CTNNA2: variants seen among roughly 807,000 people sequenced by gnomAD.
CTNNA2 encodes catenin alpha-2.
In CTNNA2, 42 loss-of-function variants were observed where a neutral mutation model predicts 101.0. That is an observed-to-expected ratio of 0.42 (90% CI 0.32 to 0.54). The LOEUF is 0.54. Among genes scored for constraint, CTNNA2 ranks in the 20% least tolerant of loss-of-function variants. CTNNA2 has a pLI of 0.14. For missense variants in CTNNA2, 871 were observed against 1,223.1 expected, an observed-to-expected ratio of 0.71 and a Z score of 4.29; for synonymous variants, 450 against 456.4, an observed-to-expected ratio of 0.99 and a Z score of 0.18.
intron 2 of CTNNA2, among the ~76,000 whole-genome samples, chr2:79,296,331 C>A (rs1481931187): frequency 6.6e-6 from 1 of 152,104 alleles, no homozygotes; most frequent in Non-Finnish European, 1.5e-5. Context: ...GCACTTTTAA[C>A]TTTGCAAACT....
chr2:79,650,291 T>A (rs1681136982), intron 1 of CTNNA2, among the ~76,000 whole-genome samples: 1 of 151,980 alleles, frequency 6.6e-6, no homozygotes, highest in African/African-American at 2.4e-5. Flanking sequence ...ATAAATAACC[T>A]TATCAGTCAC....
Position 79,736,790 on chromosome 2 carries a change from C to T in CTNNA2, c.103-7597C>T, listed in dbSNP as rs566007054. 5.3e-5 allele frequency among the ~76,000 whole-genome samples: 8 copies of T among 152,234 alleles called. No individual in the cohort carries two copies. The South Asian group carries it at 8.3e-4, about 16-fold the overall frequency. ...GTAGAATTCCCAAAAGCTTAGTACTCGTATCTGCAAAGTGCACAAGTCTTT... is the reference window on the plus strand; with the variant it reads ...GTAGAATTCCCAAAAGCTTAGTACTTGTATCTGCAAAGTGCACAAGTCTTT... On this transcript the variant is annotated intron_variant, in intron 2 of 18. Transcript: ENST00000402739.
intron 3 of CTNNA2, among the ~76,000 whole-genome samples, chr2:79,346,885 T>C (rs1416714117): frequency 1.3e-5 from 2 of 152,184 alleles, no homozygotes; most frequent in African/African-American, 4.8e-5. Flanking sequence ...AAGATGCTTA[T>C]TTTCATAATG....
chr2:80,146,032 G>A (rs982299550), intron 7 of CTNNA2, among the ~76,000 whole-genome samples: 13 of 152,050 alleles, frequency 8.5e-5, no homozygotes, highest in African/African-American at 2.7e-4. Context: ...GGAGATCTGC[G>A]GTGGCTGCTT....
chr2:79,198,733 T>C (rs1314065453), intron 2 of CTNNA2, among the ~76,000 whole-genome samples: 1 of 152,258 alleles, frequency 6.6e-6, no homozygotes, highest in African/African-American at 2.4e-5. Flanking sequence ...AGGCATAGTG[T>C]TGGTACCTGA....
chr2:80,025,386 A>G (rs1289962125), intron 7 of CTNNA2, among the ~76,000 whole-genome samples: 1 of 152,180 alleles, frequency 6.6e-6, no homozygotes, highest in Non-Finnish European at 1.5e-5. Context: ...GAAGCATAGG[A>G]AGGAACATAG....
chr2:80,022,198 A>G (rs1694614195), intron 7 of CTNNA2, among the ~76,000 whole-genome samples: 1 of 152,222 alleles, frequency 6.6e-6, no homozygotes, highest in Admixed American at 6.5e-5. Context: ...ACTGATAGGT[A>G]TCTATTCTTT....
At chr2:79,844,548 G>A (rs748266040) in intron 3 of CTNNA2, among the ~76,000 whole-genome samples, 1 of 152,130 alleles carries the variant, frequency 6.6e-6, no homozygotes, top group African/African-American at 2.4e-5. Flanking sequence ...GACTTCCTGT[G>A]ATCTTCATTC....
intron 3 of CTNNA2, 99 bp downstream of exon 3, chr2:79,744,681 CT>C: frequency 1.7e-6 from 2 of 1,200,642 alleles, no homozygotes; most frequent in Non-Finnish European, 1.1e-6. Flanking sequence ...AAGAAGAAGT[CT>C]TACGTTTTTT....
intron 7 of CTNNA2, among the ~76,000 whole-genome samples, chr2:80,083,693 G>A (rs1400921023): frequency 1.3e-5 from 2 of 152,136 alleles, no homozygotes; most frequent in Non-Finnish European, 2.9e-5. Flanking sequence ...TTCAATATGT[G>A]TATAATTCCA....
At chr2:79,207,348 T>C (rs1674112399) in intron 2 of CTNNA2, among the ~76,000 whole-genome samples, 1 of 152,130 alleles carries the variant, frequency 6.6e-6, no homozygotes, top group South Asian at 2.1e-4. Flanking sequence ...GACCACCACC[T>C]CTTTAACCTA....
intron 12 of CTNNA2, among the ~76,000 whole-genome samples, chr2:80,571,119 A>G (rs1266659188): frequency 6.6e-6 from 1 of 152,220 alleles, no homozygotes; most frequent in Non-Finnish European, 1.5e-5. Context: ...ACCTTGCCAC[A>G]AACAAAGCAA....
chr2:80,324,642 C>T (rs1679068549), intron 7 of CTNNA2, among the ~76,000 whole-genome samples: 1 of 152,172 alleles, frequency 6.6e-6, no homozygotes, highest in South Asian at 2.1e-4. Context: ...TTCTTAGCTT[C>T]AAGTGATTTC....
chr2:80,402,687 G>A (rs950862565), intron 8 of CTNNA2, among the ~76,000 whole-genome samples: 2 of 151,208 alleles, frequency 1.3e-5, no homozygotes, highest in Admixed American at 6.6e-5. Context: ...TAGGAACCAG[G>A]GCAGAGGTCT....
intron 6 of CTNNA2, among the ~76,000 whole-genome samples, chr2:79,892,962 T>A (rs1427777785): frequency 6.6e-6 from 1 of 152,108 alleles, no homozygotes; most frequent in East Asian, 1.9e-4. Context: ...CCAAAGTAAA[T>A]TACCAAAGCA....
intron 9 of CTNNA2, among the ~76,000 whole-genome samples, chr2:80,440,925 G>A (rs1426755084): frequency 6.6e-6 from 1 of 152,226 alleles, no homozygotes; most frequent in Middle Eastern, 3.4e-3. Context: ...GAGTCCCAGG[G>A]TTACTTGGAA....
At chr2:79,284,614 T>G (rs1404704605) in intron 2 of CTNNA2, among the ~76,000 whole-genome samples, 1 of 149,316 alleles carries the variant, frequency 6.7e-6, no homozygotes, top group African/African-American at 2.4e-5. Context: ...TGAAGCCCAC[T>G]TGATCATGGT....
At chr2:80,419,076 G>A (rs1002706112) in intron 8 of CTNNA2, among the ~76,000 whole-genome samples, 1 of 152,094 alleles carries the variant, frequency 6.6e-6, no homozygotes, top group African/African-American at 2.4e-5. Flanking sequence ...AAGTTCTCCC[G>A]ACTTGTTGGT....
At chr2:80,162,658 G>C in intron 7 of CTNNA2, 1 of 1,612,440 alleles carries the variant, frequency 6.2e-7, no homozygotes, top group South Asian at 1.1e-5. Context: ...ACTTTACGCT[G>C]TGATGATGGT....
Sources: gnomAD v4.1 joint callset for allele counts (sites outside exome capture counted in the v4.1 genomes callset) on GRCh38, gnomAD v4.1.1 for gene constraint, MANE v1.5 for transcripts, NCBI Gene and HGNC (gene_info 2026-07-23, HGNC 2026-07-21) for gene names.